XPR1: variants seen among roughly 807,000 people sequenced by gnomAD.
The protein encoded by XPR1 is solute carrier family 53 member 1.
XPR1 carries 28 observed loss-of-function variants against 87.5 expected under a neutral mutation model. That is an observed-to-expected ratio of 0.32 (90% CI 0.24 to 0.44). XPR1 has a LOEUF of 0.44. XPR1 is among the 20% of genes least tolerant of loss of function. The pLI, the probability that XPR1 is intolerant of heterozygous loss-of-function variation, is 1.00. For missense variants in XPR1, 559 were observed against 862.3 expected (o/e 0.65, Z 4.41); for synonymous variants, 300 against 306.1 (o/e 0.98, Z 0.21).
chr1:180,652,079 G>A (rs1655313289), intron 1 of XPR1, among the ~76,000 whole-genome samples: 2 of 152,152 alleles, frequency 1.3e-5, no homozygotes, highest in Admixed American at 1.3e-4. Flanking sequence ...ATCACATGAG[G>A]TCCGGAGTTT....
At chr1:180,817,354 C>T (rs935331702) in intron 7 of XPR1, among the ~76,000 whole-genome samples, 3 of 151,912 alleles carry the variant, frequency 2.0e-5, no homozygotes, top group South Asian at 2.1e-4. Context: ...GTATAAAGTC[C>T]GCAATAGTGT....
At chr1:180,729,015 C>T (rs1234302906) in intron 2 of XPR1, among the ~76,000 whole-genome samples, 1 of 152,106 alleles carries the variant, frequency 6.6e-6, no homozygotes, top group African/African-American at 2.4e-5. Flanking sequence ...CTCAAGTAGG[C>T]CCCAGTGTTT....
chr1:180,818,795 A>G (rs1237138540), intron 7 of XPR1, among the ~76,000 whole-genome samples: 1 of 152,208 alleles, frequency 6.6e-6, no homozygotes, highest in Non-Finnish European at 1.5e-5. Flanking sequence ...GTAAATCTAC[A>G]AAAGTTTGCT....
chr1:180,756,833 G>C (rs535568033), intron 2 of XPR1, among the ~76,000 whole-genome samples: 1 of 152,102 alleles, frequency 6.6e-6, no homozygotes, highest in Admixed American at 6.5e-5. Context: ...ATTAATTTTC[G>C]CACATGATAG....
rs139363505 is a variant in XPR1 at position 180,749,639 on chromosome 1, T to TCACACACACACACACACACACACACA, written c.122-38100_122-38075dup. ...AAAATTTATAATAAACACATATACA[T>TCACACACACACACACACACACACACA]CACACACACACACACACACACACAC... On this transcript the variant is annotated intron_variant, in intron 2 of 14. Coordinates refer to ENST00000367590, the MANE Select transcript of XPR1 (RefSeq NM_004736.4). 8.0e-4 allele frequency among the ~76,000 whole-genome samples: 114 copies of TCACACACACACACACACACACACACA among 142,436 alleles called. 1 individual carries two copies. The highest frequency in any genetic ancestry group is 2.7e-3 in the African/African-American group (103 of 38,260). The allele number at this position is 142,436 out of a possible 152,430, so 93.4% of individuals were successfully genotyped here.
intron 1 of XPR1, among the ~76,000 whole-genome samples, chr1:180,646,052 A>C (rs1010068820): frequency 1.3e-5 from 2 of 152,244 alleles, no homozygotes; most frequent in Admixed American, 1.3e-4. Context: ...CACAAAAACA[A>C]GTATTGTTAC....
intron 7 of XPR1, among the ~76,000 whole-genome samples, chr1:180,822,911 C>T (rs1040931328): frequency 1.3e-5 from 2 of 152,044 alleles, no homozygotes; most frequent in African/African-American, 2.4e-5. Context: ...ACAGAGAATA[C>T]AAAGGTAAAC....
At chr1:180,845,487 G>A (rs78676513) in intron 11 of XPR1, among the ~76,000 whole-genome samples, 3,663 of 152,256 alleles carry the variant, frequency 0.024, 147 homozygotes, top group African/African-American at 0.082. Flanking sequence ...CAGTGGACCT[G>A]CAAATAGTAG....
At chr1:180,819,096 T>A (rs1650517427) in intron 7 of XPR1, among the ~76,000 whole-genome samples, 2 of 152,086 alleles carry the variant, frequency 1.3e-5, no homozygotes, top group African/African-American at 4.8e-5. Flanking sequence ...AATACAAGTA[T>A]GGAGTAGCAC....
intron 11 of XPR1, among the ~76,000 whole-genome samples, chr1:180,861,320 T>A (rs1427892707): frequency 6.7e-6 from 1 of 148,812 alleles, no homozygotes; most frequent in Non-Finnish European, 1.5e-5. Context: ...TTTGAAAATA[T>A]GAGGAGTGAA....
intron 2 of XPR1, among the ~76,000 whole-genome samples, chr1:180,747,142 G>C (rs1278267164): frequency 6.6e-6 from 1 of 152,060 alleles, no homozygotes; most frequent in African/African-American, 2.4e-5. Flanking sequence ...ACCATTTAGT[G>C]GATTTGACCA....
rs1035116954 is a variant in XPR1 at position 180,889,756 on chromosome 1, G to A, written c.*5690G>A. On this transcript the variant is annotated 3_prime_UTR_variant, in exon 15 of 15. Transcript: ENST00000367590. ...TTAGGAGGGGAATAGGGGGAAAATT[G>A]TATTTTTCTGTTCAAACTCTCTCCT... 1.3e-5 allele frequency: 2 copies of A among 152,154 alleles called. No homozygotes were observed. The highest frequency in any genetic ancestry group is 2.4e-5 in the African/African-American group (1 of 41,416). The allele number at this position is 152,154 out of a possible 1,614,324, so 9.4% of individuals were successfully genotyped here. A position where few individuals can be genotyped will look rare whatever the true frequency, so the allele number is the denominator to read the frequency against.
intron 1 of XPR1, among the ~76,000 whole-genome samples, chr1:180,678,816 C>T (rs902337280): frequency 3.9e-5 from 6 of 152,172 alleles, no homozygotes; most frequent in African/African-American, 1.4e-4. Context: ...ATTTACTGGA[C>T]TTGAGTATCT....
intron 2 of XPR1, among the ~76,000 whole-genome samples, chr1:180,749,734 A>G (rs1441534122): frequency 6.6e-6 from 1 of 151,744 alleles, no homozygotes; most frequent in Admixed American, 6.6e-5. Flanking sequence ...CAGAGTAGGC[A>G]TTCATTAAAT....
intron 2 of XPR1, among the ~76,000 whole-genome samples, chr1:180,760,747 C>T (rs1441792150): frequency 6.6e-6 from 1 of 152,096 alleles, no homozygotes; most frequent in Admixed American, 6.5e-5. Flanking sequence ...ACTTTCTTCA[C>T]AGAATTGGAA....
chr1:180,811,359 A>G, intron 6 of XPR1, 48 bp from the exon 7 acceptor site: 1 of 1,426,334 alleles, frequency 7.0e-7, no homozygotes, highest in Non-Finnish European at 9.9e-7. Flanking sequence ...TATAGTAAAT[A>G]CAATCAGTGT....
rs1440198039 is a variant in XPR1, at chr1:180,780,480, T to G, written c.122-7273T>G. On this transcript the variant is annotated intron_variant, in intron 2 of 14. Transcript: ENST00000367590. Reference sequence around the variant, plus strand: ...TTTGGAGAAATGTCTATTCAGATTCTTTGTCCATTTTTAAAAATTTGGTTA... The same window carrying G: ...TTTGGAGAAATGTCTATTCAGATTCGTTGTCCATTTTTAAAAATTTGGTTA... Among the ~76,000 whole-genome samples the G allele has an allele frequency of 2.0e-5, 3 of 152,222 alleles. No individual in the cohort carries two copies. The East Asian group carries it at 5.8e-4, about 29-fold the overall frequency.
intron 1 of XPR1, among the ~76,000 whole-genome samples, chr1:180,681,519 G>A (rs374756515): frequency 3.3e-5 from 5 of 152,234 alleles, no homozygotes; most frequent in South Asian, 2.1e-4. Flanking sequence ...GGTGGCGGGC[G>A]CCTGTAGTCC....
At chr1:180,827,108 G>A (rs113488668) in intron 9 of XPR1, among the ~76,000 whole-genome samples, 6,148 of 146,414 alleles carry the variant, frequency 0.042, 472 homozygotes, top group African/African-American at 0.15. Flanking sequence ...GAGCCAAGAT[G>A]GTGCTGCTGC....
Sources: allele counts gnomAD v4.1 joint callset (sites outside exome capture counted in the v4.1 genomes callset), GRCh38; gene constraint gnomAD v4.1.1; transcripts MANE v1.5; gene names NCBI Gene and HGNC (gene_info 2026-07-23, HGNC 2026-07-21).